ACER1: variants seen among roughly 807,000 people sequenced by gnomAD.
ACER1 encodes the protein CTB-180A7.3.
In ACER1, 28 loss-of-function variants were observed where a neutral mutation model predicts 24.9. The observed-to-expected ratio is 1.13, with a 90% CI of 0.83 to 1.54. The LOEUF is 1.54. ACER1 is among the 40% of genes most tolerant of loss of function. ACER1 has a pLI of 0.00. For synonymous variants in ACER1, 132 were observed against 131.4 expected (o/e 1.00, Z -0.03); for missense variants, 352 against 349.3 (o/e 1.01, Z -0.06).
At chr19:6,315,266 C>G (rs376404794) in intron 1 of ACER1, among the ~76,000 whole-genome samples, 9 of 151,958 alleles carry the variant, frequency 5.9e-5, no homozygotes, top group African/African-American at 2.2e-4. Context: ...TGCAGTGACA[C>G]GATCATGGGT....
At chr19:6,316,691 A>T (rs971623299) in intron 1 of ACER1, among the ~76,000 whole-genome samples, 3 of 151,558 alleles carry the variant, frequency 2.0e-5, no homozygotes, top group African/African-American at 7.3e-5. Context: ...ATGGTGGTGC[A>T]TGCCTATAAT....
At chr19:6,309,116 T>C (rs1274966091) in intron 4 of ACER1, among the ~76,000 whole-genome samples, 2 of 152,152 alleles carry the variant, frequency 1.3e-5, no homozygotes, top group South Asian at 2.1e-4. Context: ...GGAGAATCCT[T>C]GAACCCGGGA....
At chr19:6,336,473 C>A (rs2091714578), upstream of ACER1, among the ~76,000 whole-genome samples, 1 of 152,104 alleles carries the variant, frequency 6.6e-6, no homozygotes, top group Non-Finnish European at 1.5e-5. Context: ...AATGGTACTG[C>A]CCTCTCAAGC....
At chr19:6,319,790 C>T (rs2091621190) in intron 1 of ACER1, among the ~76,000 whole-genome samples, 1 of 152,006 alleles carries the variant, frequency 6.6e-6, no homozygotes, top group South Asian at 2.1e-4. Context: ...GCGCCTAATA[C>T]ATTTTAGTAG....
At chr19:6,339,080 T>C in the ACER1 span, among the ~76,000 whole-genome samples, 1 of 151,700 alleles carries the variant, frequency 6.6e-6, no homozygotes, top group African/African-American at 2.4e-5. Context: ...TTTCAGCATG[T>C]TAGCCAGGCT....
At chr19:6,355,443 C>G in the ACER1 span, among the ~76,000 whole-genome samples, 1 of 146,776 alleles carries the variant, frequency 6.8e-6, no homozygotes, top group South Asian at 2.1e-4. Flanking sequence ...GCCGCCCCGT[C>G]TGAGAAGTGA....
intron 2 of ACER1, 33 bp downstream of exon 2, chr19:6,312,352 C>T (rs372400796): frequency 2.9e-5 from 47 of 1,613,424 alleles, no homozygotes; most frequent in African/African-American, 2.7e-4. Flanking sequence ...CACTGCCTCC[C>T]GACTGTCACA....
chr19:6,347,625 C>T, the ACER1 span, among the ~76,000 whole-genome samples: 1 of 151,538 alleles, frequency 6.6e-6, no homozygotes, highest in East Asian at 2.0e-4. Flanking sequence ...TACCTGGCGT[C>T]AGGAGTTCAA....
the ACER1 span, among the ~76,000 whole-genome samples, chr19:6,342,387 G>GT: frequency 6.6e-6 from 1 of 150,818 alleles, no homozygotes; most frequent in Non-Finnish European, 1.5e-5. Context: ...TAGGCAGACT[G>GT]TGTCTCTAAA....
intron 1 of ACER1, among the ~76,000 whole-genome samples, chr19:6,327,195 T>C (rs550439992): frequency 6.6e-6 from 1 of 152,204 alleles, no homozygotes; most frequent in South Asian, 2.1e-4. Context: ...CTTTTAGAGA[T>C]TGAGGCAGGC....
chr19:6,311,032 A>C (rs1385479885), intron 3 of ACER1, among the ~76,000 whole-genome samples: 1 of 151,764 alleles, frequency 6.6e-6, no homozygotes, highest in East Asian at 1.9e-4. Context: ...AGAGGGTCCC[A>C]GGGAGCCTGG....
chr19:6,315,649 G>A (rs1369404333), intron 1 of ACER1, among the ~76,000 whole-genome samples: 2 of 152,098 alleles, frequency 1.3e-5, no homozygotes. Context: ...AAAGTGCTGG[G>A]ATTACAGGCT....
intron 3 of ACER1, among the ~76,000 whole-genome samples, chr19:6,310,478 C>T (rs1043270455): frequency 2.0e-5 from 3 of 151,562 alleles, no homozygotes; most frequent in African/African-American, 4.8e-5. Context: ...GGCTGAGGCA[C>T]GAGAATTGCT....
At chr19:6,326,056 G>A (rs1363524223) in intron 1 of ACER1, among the ~76,000 whole-genome samples, 2 of 151,532 alleles carry the variant, frequency 1.3e-5, no homozygotes, top group Non-Finnish European at 2.9e-5. Context: ...CTGGGCTCAA[G>A]CGATTCTTCT....
At chr19:6,356,173 C>G in the ACER1 span, among the ~76,000 whole-genome samples, 1 of 150,376 alleles carries the variant, frequency 6.6e-6, no homozygotes, top group Non-Finnish European at 1.5e-5. Flanking sequence ...TGACCTTACC[C>G]CCAACCCTGT....
chr19:6,339,826 C>T, the ACER1 span, among the ~76,000 whole-genome samples: 1 of 151,964 alleles, frequency 6.6e-6, no homozygotes, highest in African/African-American at 2.4e-5. Flanking sequence ...CCACACCCGG[C>T]TAAGTTTTTT....
At chr19:6,347,107 AAAATAT>A in the ACER1 span, among the ~76,000 whole-genome samples, 10 of 95,456 alleles carry the variant, frequency 1.0e-4, no homozygotes, top group African/African-American at 9.0e-4. Flanking sequence ...ACAAAAAAAA[AAAATAT>A]ATATATATAT....
At chr19:6,334,480 G>A (rs1209399329), upstream of ACER1, among the ~76,000 whole-genome samples, 1 of 152,124 alleles carries the variant, frequency 6.6e-6, no homozygotes, top group East Asian at 1.9e-4. Flanking sequence ...AAGTAGCTGG[G>A]ATGACTGGCA....
At chr19:6,322,168 CT>C (rs976158776) in intron 1 of ACER1, among the ~76,000 whole-genome samples, 5 of 152,312 alleles carry the variant, frequency 3.3e-5, no homozygotes, top group African/African-American at 1.2e-4. Context: ...AATTATCCAA[CT>C]TACGGCATCT....
Sources: gnomAD v4.1 joint callset for allele counts (sites outside exome capture counted in the v4.1 genomes callset) on GRCh38, gnomAD v4.1.1 for gene constraint, MANE v1.5 for transcripts, NCBI Gene and HGNC (gene_info 2026-07-23, HGNC 2026-07-21) for gene names.